AATK: variants seen among roughly 807,000 people sequenced by gnomAD.
The protein encoded by AATK is lemur tail kinase 1.
AATK carries 91 observed loss-of-function variants against 114.3 expected under a neutral mutation model. That is an observed-to-expected ratio of 0.80 (90% CI 0.67 to 0.95). The LOEUF is 0.95. AATK is among the 40% of genes least tolerant of loss of function. AATK has a pLI of 0.00. For synonymous variants in AATK, 1,075 were observed against 916.5 expected, an observed-to-expected ratio of 1.17 and a Z score of -3.12; for missense variants, 2,176 against 1,965.2, an observed-to-expected ratio of 1.11 and a Z score of -2.03.
intron 1 of AATK, among the ~76,000 whole-genome samples, chr17:81,148,712 A>G (rs1157479423): frequency 2.0e-5 from 3 of 150,758 alleles, no homozygotes; most frequent in Admixed American, 6.6e-5. Flanking sequence ...ACACACTTGC[A>G]CACACACACA....
At chr17:81,156,560 C>G (rs1210162722) in intron 1 of AATK, among the ~76,000 whole-genome samples, 2 of 152,008 alleles carry the variant, frequency 1.3e-5, no homozygotes, top group South Asian at 2.1e-4. Context: ...ACCACACCCG[C>G]CTAATTTTTT....
In AATK at chr17:81,120,907, C is replaced by T; in HGVS notation, c.3029G>A (p.Gly1010Asp). The T allele has an allele frequency of 6.3e-7, 1 of 1,595,074 alleles. No individual in the cohort carries two copies. The highest frequency in any genetic ancestry group is 1.3e-5 in the African/African-American group (1 of 74,654). Residue 1010 changes from glycine to aspartate, a missense_variant, in exon 11 of 14, where the codon GGC becomes GAC. This residue lies in a region of AATK where 1,701 missense variants were observed against 1,394.7 expected (regional missense o/e 1.22). Coordinates refer to ENST00000326724, the MANE Select transcript of AATK (RefSeq NM_001080395.3). ...DLEAEAEATS[G>D]PEKKCGGDRA... ...GTCCCCGCCGCACTTCTTCTCTGGG[C>T]CTGAGGTGGCCTCGGCCTCAGCCTC...
chr17:81,121,337 T>C lies in AATK; in HGVS notation c.2599A>G (p.Thr867Ala), dbSNP rs776916250. The change falls in exon 11 of 14, where the codon ACC (threonine) becomes GCC (alanine). Residue 867 changes from threonine (T) to alanine (A), a missense_variant. Transcript: ENST00000326724. ...SSEDEDTAEATSGIFTDTSSD... is the reference protein window; with the variant it reads ...SSEDEDTAEAASGIFTDTSSD... Reference sequence around the variant, plus strand: ...GACGTGTCGGTGAAGATGCCTGAGGTGGCCTCGGCCGTGTCCTCATCCTCA... The same window carrying C: ...GACGTGTCGGTGAAGATGCCTGAGGCGGCCTCGGCCGTGTCCTCATCCTCA... The C allele has an allele frequency of 6.2e-7, 1 of 1,611,588 alleles. No homozygotes were observed. Among genetic ancestry groups the C allele is most frequent in the Admixed American group, 1.7e-5 (1 of 59,980 alleles).
chr17:81,127,625 G>A lies in AATK; in HGVS notation c.579C>T (p.Ala193=), dbSNP rs376073902. The part of the protein sequence containing the change: ...SNLLQCLAQC[A]EVTPYLLVME... Reference sequence around the variant, plus strand: ...TCACCAGCAGGTAGGGCGTCACCTCGGCGCACTGGGCCAGGCACTGGAGCA... The same window carrying A: ...TCACCAGCAGGTAGGGCGTCACCTCAGCGCACTGGGCCAGGCACTGGAGCA... Residue 193 remains alanine (A), a synonymous_variant, in exon 6 of 14, where the codon GCC becomes GCT. Coordinates refer to ENST00000326724, the MANE Select transcript of AATK (RefSeq NM_001080395.3). The A allele has an allele frequency of 4.3e-5, 69 of 1,601,420 alleles. No homozygotes were observed. In the African/African-American group the frequency reaches 5.6e-4, roughly 13 times the overall value.
intron 1 of AATK, among the ~76,000 whole-genome samples, chr17:81,145,611 T>C (rs1184401199): frequency 6.6e-6 from 1 of 151,728 alleles, no homozygotes; most frequent in East Asian, 1.9e-4. Flanking sequence ...CATGCTTCTG[T>C]AATCCTAGCT....
chr17:81,124,097 AG>A (rs1334438754), intron 9 of AATK, among the ~76,000 whole-genome samples: 2 of 151,910 alleles, frequency 1.3e-5, no homozygotes, highest in South Asian at 4.2e-4. Flanking sequence ...AAGCTCAGGG[AG>A]GGGGCCTGGC....
intron 1 of AATK, among the ~76,000 whole-genome samples, chr17:81,158,136 G>A (rs2061388878): frequency 1.3e-5 from 2 of 152,184 alleles, no homozygotes; most frequent in South Asian, 4.1e-4. Flanking sequence ...AGACTTGCAG[G>A]GCCGCCCGTC....
chr17:81,122,651 C>A lies in AATK; in HGVS notation c.1285G>T (p.Gly429Cys), dbSNP rs562385816. 1.4e-6 allele frequency: 2 copies of A among 1,468,778 alleles called. No homozygotes were observed. Among genetic ancestry groups the A allele is most frequent in the South Asian group, 1.3e-5 (1 of 76,732 alleles). The allele number at this position is 1,468,778 out of a possible 1,614,324, so 91.0% of individuals were successfully genotyped here. Residue 429 changes from glycine (G) to cysteine (C), a missense_variant, in exon 11 of 14, where the codon GGT becomes TGT. Around this residue, in one of 4 missense-constraint regions of AATK, gnomAD observed 1,701 missense variants for 1,394.7 expected, o/e 1.22. Coordinates refer to ENST00000326724, the MANE Select transcript of AATK (RefSeq NM_001080395.3). ...PGGGGVGPGP[G>C]AAGPMLGGVV... is the part of the protein sequence containing the mutation. The stretch of plus-strand genomic sequence containing the variant: ...CCGCCCAGCATGGGCCCCGCCGCAC[C>A]GGGCCCGGGCCCCACGCCGCCCCCG...
At position 81,122,506 on chromosome 17, in the gene AATK, A is replaced by G; in HGVS notation, c.1430T>C (p.Phe477Ser). The change falls in exon 11 of 14, where the codon TTT becomes TCT. Residue 477 changes from phenylalanine to serine, a missense_variant. Physicochemically the swap from Phe to Ser is radical, Grantham distance 155. Transcript: ENST00000326724. Reference sequence around the variant, plus strand: ...GCGGCCCGCCTCCCACTTGTACTCAAAATTGAGGCCTCGGCTGGTCTCGGT... The same window carrying G: ...GCGGCCCGCCTCCCACTTGTACTCAGAATTGAGGCCTCGGCTGGTCTCGGT... ...TVTETSRGLN[F>S]EYKWEAGRGA... 1.4e-6 allele frequency: 2 copies of G among 1,474,508 alleles called. No individual in the cohort carries two copies. Among genetic ancestry groups the G allele is most frequent in the East Asian group, 3.0e-5 (1 of 33,868 alleles). The allele number at this position is 1,474,508 out of a possible 1,614,324, so 91.3% of individuals were successfully genotyped here.
rs2060657625 is a variant in AATK at position 81,119,384 on chromosome 17, C to T, written c.4080G>A (p.Lys1360=). Residue 1360 remains lysine (K), a synonymous_variant, in exon 13 of 14, where the codon AAG becomes AAA. Coordinates refer to ENST00000326724, the MANE Select transcript of AATK (RefSeq NM_001080395.3). The stretch of plus-strand genomic sequence containing the variant: ...ACAGCCCCGCCCAGGCCTCACCTCT[C>T]TTGGACTCGGCGTCCGAGTCAGACA... ...THVSDSDAES[K]RGPEAGAGGE... The T allele has an allele frequency of 3.8e-6, 6 of 1,570,362 alleles. No homozygotes were observed. The South Asian group carries it at 4.6e-5, about 12-fold the overall frequency.
chr17:81,119,306 G>C, intron 13 of AATK, 74 bp downstream of exon 13: 2 of 1,416,486 alleles, frequency 1.4e-6, no homozygotes, highest in South Asian at 2.8e-5. Flanking sequence ...GACCTAGACG[G>C]AGGGGCCCCA....
intron 1 of AATK, among the ~76,000 whole-genome samples, chr17:81,141,129 G>T (rs2061132318): frequency 6.6e-6 from 1 of 152,166 alleles, no homozygotes; most frequent in African/African-American, 2.4e-5. Context: ...CCAGAGCCCA[G>T]CCTCCACCAC....
chr17:81,127,293 T>G (rs1016602238), intron 6 of AATK, among the ~76,000 whole-genome samples: 3 of 151,428 alleles, frequency 2.0e-5, no homozygotes, highest in Admixed American at 6.6e-5. Flanking sequence ...CCAGGATGCC[T>G]CCTCCTGAAC....
chr17:81,122,605 G>C lies in AATK; in HGVS notation c.1331C>G (p.Ala444Gly). 7.0e-7 allele frequency: 1 copy of C among 1,425,718 alleles called. No individual in the cohort carries two copies. Among genetic ancestry groups the C allele is most frequent in the South Asian group, 1.3e-5 (1 of 74,284 alleles). 88.3% of individuals were successfully genotyped at this position (1,425,718 alleles called of 1,614,324 possible). A position where few individuals can be genotyped will look rare whatever the true frequency, so the allele number is the denominator to read the frequency against. Residue 444 changes from alanine to glycine, a missense_variant, in exon 11 of 14, where the codon GCC becomes GGC. Ala to Gly is a moderately conservative substitution (Grantham distance 60). Around this residue, in one of 4 missense-constraint regions of AATK, gnomAD observed 1,701 missense variants for 1,394.7 expected, o/e 1.22. Coordinates refer to ENST00000326724, the MANE Select transcript of AATK (RefSeq NM_001080395.3). ...CTGCTCCAGCAGCGGGAAGGACGAG[G>C]CAGCGGCGAGCTCCACCACGCCGCC... is the stretch of plus-strand genomic sequence containing the variant. ...MLGGVVELAA[A>G]SSFPLLEQFA... is the part of the protein sequence containing the mutation.
chr17:81,151,161 G>A (rs2061289834), intron 1 of AATK, among the ~76,000 whole-genome samples: 1 of 152,122 alleles, frequency 6.6e-6, no homozygotes, highest in Admixed American at 6.5e-5. Flanking sequence ...CAGGCGCCCA[G>A]ACACAGAACA....
At chr17:81,156,228 G>C (rs983860400) in intron 1 of AATK, among the ~76,000 whole-genome samples, 1 of 150,688 alleles carries the variant, frequency 6.6e-6, no homozygotes, top group African/African-American at 2.4e-5. Context: ...ATGTTACAAT[G>C]TATGTTACTA....
rs796566013 is a variant in AATK at position 81,144,416 on chromosome 17, G to A, written c.56-9915C>T. ...GTAGCCAGGACCCTGGGGAGAGGGT[G>A]GCCACATCATCAGGGAAGAGCAGGC... On this transcript the variant is annotated intron_variant, in intron 1 of 13. Coordinates refer to ENST00000326724, the MANE Select transcript of AATK (RefSeq NM_001080395.3). Among the ~76,000 whole-genome samples the A allele has an allele frequency of 5.0e-4, 76 of 152,334 alleles. 1 individual carries two copies. The highest frequency in any genetic ancestry group is 1.5e-3 in the African/African-American group (61 of 41,568).
In AATK at chr17:81,122,660, G is replaced by A; in HGVS notation, c.1276C>T (p.Pro426Ser). The change falls in exon 11 of 14, where the codon CCC becomes TCC. Residue 426 changes from proline to serine, a missense_variant. Transcript: ENST00000326724. ...SLRPGGGGVG[P>S]GPGAAGPMLG... ...ATGGGCCCCGCCGCACCGGGCCCGGGCCCCACGCCGCCCCCGCCGGGCCGC... is the reference window on the plus strand; with the variant it reads ...ATGGGCCCCGCCGCACCGGGCCCGGACCCCACGCCGCCCCCGCCGGGCCGC... 6.7e-7 allele frequency: 1 copy of A among 1,498,612 alleles called. No homozygotes were observed. The highest frequency in any genetic ancestry group is 8.9e-7 in the Non-Finnish European group (1 of 1,120,390). The allele number at this position is 1,498,612 out of a possible 1,614,324, so 92.8% of individuals were successfully genotyped here.
Position 81,121,143 on chromosome 17 carries a change from C to G in AATK, c.2793G>C (p.Gln931His), listed in dbSNP as rs1568219197. 6.2e-7 allele frequency: 1 copy of G among 1,604,824 alleles called. No homozygotes were observed. The highest frequency in any genetic ancestry group is 2.2e-5 in the East Asian group (1 of 44,700). ...SPSATGPSGGQPRALDSGYDT... is the reference protein window; with the variant it reads ...SPSATGPSGGHPRALDSGYDT... ...CATAGCCACTGTCCAGCGCTCGCGG[C>G]TGCCCTCCAGAGGGGCCAGTGGCCG... The change falls in exon 11 of 14, where the codon CAG becomes CAC. Residue 931 changes from glutamine to histidine, a missense_variant. By Grantham distance (24) the Gln-to-His change is conservative (BLOSUM62 0). Transcript: ENST00000326724.
Sources: gnomAD v4.1 joint callset for allele counts (sites outside exome capture counted in the v4.1 genomes callset) on GRCh38, gnomAD v4.1.1 for gene constraint, gnomAD v4.1.1 regional missense constraint, MANE v1.5 for transcripts, NCBI Gene and HGNC (gene_info 2026-07-23, HGNC 2026-07-21) for gene names.